The following PPP2R2B variants were observed in gnomAD, a reference collection of about 807,000 sequenced individuals.
PPP2R2B encodes the protein serine/threonine-protein phosphatase 2A 55 kDa regulatory subunit B beta isoform.
In PPP2R2B, 5 loss-of-function variants were observed where a neutral mutation model predicts 46.0. That is an observed-to-expected ratio of 0.11 (90% CI 0.06 to 0.23). The LOEUF is 0.23. Among genes scored for constraint, PPP2R2B ranks in the 10% least tolerant of loss-of-function variants. The pLI is 1.00. For synonymous variants in PPP2R2B, 215 were observed against 206.7 expected (o/e 1.04, Z -0.34); for missense variants, 367 against 575.0 (o/e 0.64, Z 3.70).
intron 1 of PPP2R2B, among the ~76,000 whole-genome samples, chr5:146,973,007 C>A (rs186546183): frequency 6.0e-4 from 91 of 152,020 alleles, no homozygotes; most frequent in Non-Finnish European, 1.2e-3. Context: ...GTATTAGTTT[C>A]TCTTATGAGT....
rs80355963 is a variant in PPP2R2B at position 146,977,366 on chromosome 5, C to A, written c.79+78299G>T. Among the ~76,000 whole-genome samples, 1,348 of 151,990 alleles carry A rather than the reference C, an allele frequency of 8.9e-3. 66 individuals carry two copies. In the East Asian group the frequency reaches 0.15, roughly 16 times the overall value. On this transcript the variant is annotated intron_variant, in intron 1 of 8. Transcript: ENST00000336640. ...ACCTCAGTCTCCTGTGTAACAGTCT[C>A]TTTTAATATTATTATTATTATTATT...
intron 2 of PPP2R2B, among the ~76,000 whole-genome samples, chr5:146,755,746 T>C (rs141321199): frequency 1.3e-5 from 2 of 152,320 alleles, no homozygotes; most frequent in African/African-American, 4.8e-5. Flanking sequence ...AACTTTGTAT[T>C]GGATTTCTTT....
chr5:146,965,390 C>T (rs989753252), intron 1 of PPP2R2B, among the ~76,000 whole-genome samples: 1 of 152,126 alleles, frequency 6.6e-6, no homozygotes, highest in Non-Finnish European at 1.5e-5. Context: ...CTCTGATTAG[C>T]CAGTTTTCAG....
intron 1 of PPP2R2B, among the ~76,000 whole-genome samples, chr5:147,008,169 T>C (rs1425879971): frequency 6.6e-6 from 1 of 152,142 alleles, no homozygotes; most frequent in Non-Finnish European, 1.5e-5. Flanking sequence ...ATGACATTCA[T>C]TGGATCTTGA....
intron 1 of PPP2R2B, among the ~76,000 whole-genome samples, chr5:146,892,685 A>C (rs563178856): frequency 6.6e-6 from 1 of 152,256 alleles, no homozygotes; most frequent in East Asian, 1.9e-4. Context: ...GTGTCTTTTG[A>C]GGCATTTGTT....
Position 146,600,282 on chromosome 5 carries a change from G to C in PPP2R2B, c.960+9C>G, listed in dbSNP as rs776442979. ...TTCAATATACCTATGGGTGCCTGGG[G>C]TTCTATACCTGGTAAGTCTCGATGG... On this transcript the variant is annotated intron_variant, in intron 8 of 9. Coordinates refer to ENST00000394411, the MANE Select transcript of PPP2R2B (RefSeq NM_181675.4). 19 of 1,613,034 alleles carry C rather than the reference G, an allele frequency of 1.2e-5. No individual in the cohort carries two copies. The highest frequency in any genetic ancestry group is 6.7e-5 in the Admixed American group (4 of 59,844).
At chr5:147,067,852 C>T (rs1757460398) in intron 2 of PPP2R2B, among the ~76,000 whole-genome samples, 1 of 152,092 alleles carries the variant, frequency 6.6e-6, no homozygotes, top group African/African-American at 2.4e-5. Flanking sequence ...ATTAATTGTT[C>T]ATGTTTGTTG....
intron 2 of PPP2R2B, among the ~76,000 whole-genome samples, chr5:146,727,429 T>A (rs1401537047): frequency 6.6e-6 from 1 of 152,136 alleles, no homozygotes; most frequent in African/African-American, 2.4e-5. Context: ...CTAATTAACA[T>A]AACTATCACC....
At chr5:146,838,521 A>C (rs1340387177) in intron 2 of PPP2R2B, among the ~76,000 whole-genome samples, 2 of 150,954 alleles carry the variant, frequency 1.3e-5, no homozygotes, top group African/African-American at 4.9e-5. Context: ...CACTGAGCTA[A>C]GATTGTGCCA....
At chr5:147,038,512 C>T (rs146227548) in intron 1 of PPP2R2B, among the ~76,000 whole-genome samples, 1,661 of 152,220 alleles carry the variant, frequency 0.011, 17 homozygotes, top group Non-Finnish European at 0.019. Flanking sequence ...TCTTGGGAAA[C>T]TATTTTCTAC....
chr5:146,999,056 T>C (rs1270266572), intron 1 of PPP2R2B, among the ~76,000 whole-genome samples: 1 of 151,214 alleles, frequency 6.6e-6, no homozygotes, highest in Non-Finnish European at 1.5e-5. Flanking sequence ...TCTCTGGTTT[T>C]GAGATCTTTC....
chr5:146,654,766 T>G lies in PPP2R2B; in HGVS notation c.448-4042A>C, dbSNP rs139317288. On this transcript the variant is annotated intron_variant, in intron 5 of 9. Coordinates refer to ENST00000394411, the MANE Select transcript of PPP2R2B (RefSeq NM_181675.4). Reference sequence around the variant, plus strand: ...TCTGAGAGGTTAAGCACCTTGTCCATGGTCACCCTTCCGGGGTTGCTTGCA... The same window carrying G: ...TCTGAGAGGTTAAGCACCTTGTCCAGGGTCACCCTTCCGGGGTTGCTTGCA... Among the ~76,000 whole-genome samples, 700 of 152,300 alleles carry G rather than the reference T, an allele frequency of 4.6e-3. 7 individuals are homozygous for G. The highest frequency in any genetic ancestry group is 0.016 in the African/African-American group (679 of 41,572).
At chr5:146,805,607 G>A (rs1051744484) in intron 2 of PPP2R2B, among the ~76,000 whole-genome samples, 7 of 152,138 alleles carry the variant, frequency 4.6e-5, no homozygotes, top group African/African-American at 1.7e-4. Flanking sequence ...CTGTTCTTAT[G>A]AAGAAATTCA....
chr5:146,674,707 T>G (rs1268766723), intron 5 of PPP2R2B, among the ~76,000 whole-genome samples: 1 of 152,184 alleles, frequency 6.6e-6, no homozygotes, highest in Non-Finnish European at 1.5e-5. Context: ...TGGACAAACA[T>G]GTGGCTCCCT....
intron 2 of PPP2R2B, among the ~76,000 whole-genome samples, chr5:146,848,637 T>G (rs1466716499): frequency 6.6e-6 from 1 of 152,168 alleles, no homozygotes; most frequent in Non-Finnish European, 1.5e-5. Context: ...CTTATTTTCA[T>G]GTTGGACTTG....
At chr5:147,001,958 G>A (rs1754199147) in intron 1 of PPP2R2B, among the ~76,000 whole-genome samples, 1 of 152,130 alleles carries the variant, frequency 6.6e-6, no homozygotes, top group South Asian at 2.1e-4. Flanking sequence ...ACAACAAGTT[G>A]GTTGACCCTG....
intron 5 of PPP2R2B, among the ~76,000 whole-genome samples, chr5:146,659,972 A>G (rs1432796291): frequency 6.6e-6 from 1 of 152,212 alleles, no homozygotes; most frequent in African/African-American, 2.4e-5. Context: ...ATATAATGTT[A>G]AGGTTGCTTA....
intron 2 of PPP2R2B, among the ~76,000 whole-genome samples, chr5:146,876,129 G>A (rs185297114): frequency 9.9e-5 from 15 of 152,278 alleles, no homozygotes; most frequent in Admixed American, 7.2e-4. Flanking sequence ...AGAAATCTGA[G>A]AGGTTGATTC....
intron 1 of PPP2R2B, among the ~76,000 whole-genome samples, chr5:146,996,316 C>T (rs1488038494): frequency 6.6e-6 from 1 of 152,066 alleles, no homozygotes; most frequent in Non-Finnish European, 1.5e-5. Flanking sequence ...CATTATGGGG[C>T]ATAGCTTAGG....
Sources: allele counts gnomAD v4.1 joint callset (sites outside exome capture counted in the v4.1 genomes callset), GRCh38; gene constraint gnomAD v4.1.1; transcripts MANE v1.5; gene names NCBI Gene and HGNC (gene_info 2026-07-23, HGNC 2026-07-21).